Variants in KATNAL1 observed in about 807,000 individuals in gnomAD.
KATNAL1 encodes the protein katanin catalytic subunit A1 like 1.
KATNAL1 carries 32 observed loss-of-function variants against 55.2 expected under a neutral mutation model. The observed-to-expected ratio is 0.58, with a 90% CI of 0.44 to 0.78. KATNAL1 has a LOEUF of 0.78. KATNAL1 is among the 30% of genes least tolerant of loss of function. KATNAL1 has a pLI of 0.00. For synonymous variants in KATNAL1, 193 were observed against 193.6 expected, an observed-to-expected ratio of 1.00 and a Z score of 0.02; for missense variants, 466 against 600.9, an observed-to-expected ratio of 0.78 and a Z score of 2.35.
Position 30,240,435 on chromosome 13 carries a change from CA to C in KATNAL1, c.726+24del, listed in dbSNP as rs754375788. On this transcript the variant is annotated intron_variant, in intron 6 of 10. Coordinates refer to ENST00000380615, the MANE Select transcript of KATNAL1 (RefSeq NM_032116.5). ...CCAGTGCCAAGTAGCATTCTTATAT[CA>C]AAACCAATTTAATAAATTCTCACCT... The C allele has an allele frequency of 4.2e-5, 63 of 1,502,242 alleles. 1 individual carries two copies. In the South Asian group the frequency reaches 6.9e-4, roughly 16 times the overall value. 93.1% of individuals were successfully genotyped at this position (1,502,242 alleles called of 1,614,324 possible). A position where few individuals can be genotyped will look rare whatever the true frequency, so the allele number is the denominator to read the frequency against.
At chr13:30,283,868 T>C in intron 1 of KATNAL1, 77 bp from the exon 2 acceptor site, 1 of 1,023,146 alleles carries the variant, frequency 9.8e-7, no homozygotes, top group Non-Finnish European at 1.4e-6. Context: ...TAAAATATGT[T>C]TAAAACTACT....
chr13:30,242,224 G>A lies in KATNAL1; in HGVS notation c.493-1138C>T, dbSNP rs140584103. Among the ~76,000 whole-genome samples, 503 of 152,240 alleles carry A rather than the reference G, an allele frequency of 3.3e-3. 3 individuals are homozygous for A. The highest frequency in any genetic ancestry group is 0.01 in the Middle Eastern group (3 of 294). On this transcript the variant is annotated intron_variant, in intron 4 of 10. Coordinates refer to ENST00000380615, the MANE Select transcript of KATNAL1 (RefSeq NM_032116.5). ...AGAAACTGACATATCTGGAGCTTGA[G>A]CCTTCATATGGCACTGTAATTTACA...
rs1460365823 is a variant in KATNAL1, at chr13:30,203,981, T to C, written c.*4559A>G. 2.0e-5 allele frequency: 3 copies of C among 152,264 alleles called. No homozygotes were observed. Among genetic ancestry groups the C allele is most frequent in the East Asian group, 3.9e-4 (2 of 5,192 alleles). The allele number at this position is 152,264 out of a possible 1,614,324, so 9.4% of individuals were successfully genotyped here. A position where few individuals can be genotyped will look rare whatever the true frequency, so the allele number is the denominator to read the frequency against. ...GAGTTTTTAGCTTTTTCTGTAAAAA[T>C]AGTTAGTGGAGATGACAGTAAAACA... On this transcript the variant is annotated 3_prime_UTR_variant, in exon 11 of 11. Coordinates refer to ENST00000380615, the MANE Select transcript of KATNAL1 (RefSeq NM_032116.5).
intron 1 of KATNAL1, among the ~76,000 whole-genome samples, chr13:30,299,070 A>G (rs1283603394): frequency 6.6e-6 from 1 of 152,236 alleles, no homozygotes; most frequent in African/African-American, 2.4e-5. Context: ...TTATATTGAC[A>G]GCTAACTTTT....
intron 6 of KATNAL1, among the ~76,000 whole-genome samples, chr13:30,235,072 G>A (rs138374589): frequency 3.3e-5 from 5 of 152,168 alleles, no homozygotes; most frequent in African/African-American, 1.2e-4. Flanking sequence ...GAGAACAAGA[G>A]ATTAAGAACC....
intron 6 of KATNAL1, among the ~76,000 whole-genome samples, chr13:30,233,173 C>T (rs898843896): frequency 1.3e-5 from 2 of 151,844 alleles, no homozygotes; most frequent in Non-Finnish European, 2.9e-5. Context: ...AAGAGACACC[C>T]CCACAATGGG....
At chr13:30,269,112 T>C (rs1593917561) in intron 3 of KATNAL1, among the ~76,000 whole-genome samples, 3 of 152,078 alleles carry the variant, frequency 2.0e-5, no homozygotes, top group East Asian at 1.9e-4. Context: ...TCTCTTTCCA[T>C]GGTCTCCCTC....
At chr13:30,259,577 G>C (rs1422308967) in intron 3 of KATNAL1, among the ~76,000 whole-genome samples, 1 of 152,192 alleles carries the variant, frequency 6.6e-6, no homozygotes, top group Non-Finnish European at 1.5e-5. Flanking sequence ...GAGGGGTCAG[G>C]GAGTTCCCTT....
chr13:30,279,324 A>C (rs188572322), intron 3 of KATNAL1, among the ~76,000 whole-genome samples: 1 of 152,326 alleles, frequency 6.6e-6, no homozygotes, highest in Admixed American at 6.5e-5. Flanking sequence ...TGTCCTTGCA[A>C]ATCTTTTGAA....
intron 3 of KATNAL1, among the ~76,000 whole-genome samples, chr13:30,263,121 C>T (rs971487659): frequency 1.3e-5 from 2 of 152,256 alleles, no homozygotes; most frequent in Non-Finnish European, 2.9e-5. Flanking sequence ...ACAAAAACCA[C>T]ATGATTATCT....
At chr13:30,241,412 G>C (rs547007010) in intron 4 of KATNAL1, among the ~76,000 whole-genome samples, 1 of 152,262 alleles carries the variant, frequency 6.6e-6, no homozygotes, top group East Asian at 1.9e-4. Context: ...ACCACTACTA[G>C]AAAACATTTT....
chr13:30,300,172 T>A (rs994338869), intron 1 of KATNAL1, among the ~76,000 whole-genome samples: 2 of 152,254 alleles, frequency 1.3e-5, no homozygotes, highest in African/African-American at 2.4e-5. Flanking sequence ...AGTAATGGTT[T>A]TTGAAGAGGA....
At chr13:30,304,268 CT>C (rs35058135) in intron 1 of KATNAL1, among the ~76,000 whole-genome samples, 14,126 of 139,914 alleles carry the variant, frequency 0.1, 843 homozygotes, top group Middle Eastern at 0.16. Flanking sequence ...ACACACAACT[CT>C]TTTTTTTTTT....
chr13:30,286,441 A>G (rs1423402365), intron 1 of KATNAL1, among the ~76,000 whole-genome samples: 1 of 152,260 alleles, frequency 6.6e-6, no homozygotes, highest in Non-Finnish European at 1.5e-5. Flanking sequence ...TACAAGCCCC[A>G]AGTTTTGGCA....
At chr13:30,275,975 G>C (rs145316377) in intron 3 of KATNAL1, among the ~76,000 whole-genome samples, 3,082 of 152,030 alleles carry the variant, frequency 0.02, 40 homozygotes, top group Non-Finnish European at 0.032. Flanking sequence ...CTACTTTCAT[G>C]GCTTCAGGTA....
intron 4 of KATNAL1, 31 bp downstream of exon 4, chr13:30,255,416 G>C: frequency 6.9e-7 from 1 of 1,440,558 alleles, no homozygotes; most frequent in African/African-American, 1.5e-5. Context: ...TGGGCTTCAA[G>C]TGAGTGAATT....
intron 3 of KATNAL1, among the ~76,000 whole-genome samples, chr13:30,270,117 G>A (rs1458601418): frequency 1.4e-5 from 2 of 137,932 alleles, no homozygotes; most frequent in Admixed American, 6.9e-5. Flanking sequence ...CGTCCGGGAG[G>A]TGAGGGGCGC....
chr13:30,212,373 G>C (rs1873772871), intron 9 of KATNAL1, among the ~76,000 whole-genome samples: 1 of 152,212 alleles, frequency 6.6e-6, no homozygotes, highest in African/African-American at 2.4e-5. Context: ...CTACCCAATA[G>C]CCAGCGTGCC....
intron 4 of KATNAL1, among the ~76,000 whole-genome samples, chr13:30,241,517 TA>T (rs1877279106): frequency 6.6e-6 from 1 of 152,228 alleles, no homozygotes; most frequent in African/African-American, 2.4e-5. Context: ...ATAGTTGTTT[TA>T]AAAGAAATTT....
Sources: allele counts gnomAD v4.1 joint callset (sites outside exome capture counted in the v4.1 genomes callset), GRCh38; gene constraint gnomAD v4.1.1; transcripts MANE v1.5; gene names NCBI Gene and HGNC (gene_info 2026-07-23, HGNC 2026-07-21).